CATSPERE: variants seen among roughly 807,000 people sequenced by gnomAD.
CATSPERE encodes catsper channel auxiliary subunit epsilon, also known as cation channel sperm-associated auxiliary subunit epsilon.
Under a neutral mutation model 114.1 loss-of-function variants are expected in CATSPERE, and 93 were observed. That is an observed-to-expected ratio of 0.81 (90% confidence interval 0.69 to 0.97). The LOEUF (loss-of-function observed/expected upper bound fraction) is 0.97. CATSPERE is among the 50% of genes least tolerant of loss of function. CATSPERE has a pLI of 0.00. For missense variants in CATSPERE, 1,058 were observed against 1,131.6 expected (o/e 0.93, Z 0.93); for synonymous variants, 341 against 384.1 (o/e 0.89, Z 1.31).
chr1:244,510,294 T>C (rs1054613093), intron 7 of CATSPERE, among the ~76,000 whole-genome samples: 1 of 152,224 alleles, frequency 6.6e-6, no homozygotes, highest in Non-Finnish European at 1.5e-5. Context: ...CGTCAAGGAA[T>C]TTTTTAATAT....
At chr1:244,493,605 C>G (rs548600936) in intron 6 of CATSPERE, among the ~76,000 whole-genome samples, 8 of 152,294 alleles carry the variant, frequency 5.3e-5, no homozygotes, top group African/African-American at 9.6e-5. Context: ...CAAATGGGAT[C>G]TAATTAAACT....
chr1:244,539,002 G>T (rs892303568), intron 8 of CATSPERE, among the ~76,000 whole-genome samples: 1 of 152,192 alleles, frequency 6.6e-6, no homozygotes, highest in East Asian at 1.9e-4. Context: ...GCTGCACGTC[G>T]CTAGCCAGCT....
intron 10 of CATSPERE, among the ~76,000 whole-genome samples, chr1:244,564,958 G>A (rs564973767): frequency 6.6e-6 from 1 of 152,264 alleles, no homozygotes; most frequent in Non-Finnish European, 1.5e-5. Context: ...TTAGCATGAA[G>A]GGGTGTTGAA....
At chr1:244,616,058 G>A (rs1032915620) in intron 19 of CATSPERE, among the ~76,000 whole-genome samples, 3 of 151,964 alleles carry the variant, frequency 2.0e-5, no homozygotes, top group Non-Finnish European at 4.4e-5. Context: ...CAGCCTGGGC[G>A]ATCGAAGCTT....
At chr1:244,516,078 C>A (rs1398032310) in intron 7 of CATSPERE, among the ~76,000 whole-genome samples, 2 of 151,502 alleles carry the variant, frequency 1.3e-5, no homozygotes, top group Non-Finnish European at 1.5e-5. Context: ...CTTGTCACAG[C>A]TATTCGGGAG....
intron 13 of CATSPERE, among the ~76,000 whole-genome samples, chr1:244,585,675 G>T (rs4399137): frequency 0.18 from 27,754 of 152,184 alleles, 3,634 homozygotes; most frequent in East Asian, 0.4. Flanking sequence ...CCTACAGACT[G>T]ACCCACTGGG....
chr1:244,518,674 C>A lies in CATSPERE; in HGVS notation c.512C>A (p.Ser171Tyr). The change falls in exon 8 of 22, where the codon TCT becomes TAT. Residue 171 changes from serine to tyrosine, a missense_variant. Physicochemically the swap from Ser to Tyr is moderately radical, Grantham distance 144. Coordinates refer to ENST00000366534, the MANE Select transcript of CATSPERE (RefSeq NM_001130957.2). Reference sequence around the variant, plus strand: ...ACAGTTCTGAAGAGAAAAGTTTATTCTTCAAATGAGAAAATGAGAAGGGGG... The same window carrying A: ...ACAGTTCTGAAGAGAAAAGTTTATTATTCAAATGAGAAAATGAGAAGGGGG... ...IHTVLKRKVY[S>Y]SNEKMRRGTW... is the part of the protein sequence containing the mutation. 6.4e-7 allele frequency: 1 copy of A among 1,555,828 alleles called. No individual in the cohort carries two copies. The highest frequency in any genetic ancestry group is 8.7e-7 in the Non-Finnish European group (1 of 1,148,138).
intron 9 of CATSPERE, among the ~76,000 whole-genome samples, chr1:244,559,038 C>T (rs2148524544): frequency 6.6e-6 from 1 of 152,330 alleles, no homozygotes; most frequent in Non-Finnish European, 1.5e-5. Flanking sequence ...AAGGATCTCT[C>T]ACCTCACCTG....
intron 5 of CATSPERE, among the ~76,000 whole-genome samples, chr1:244,486,685 A>G (rs3006019): frequency 0.28 from 22,510 of 79,210 alleles, 4,241 homozygotes; most frequent in East Asian, 0.67. Flanking sequence ...TGGGCCAGGT[A>G]TAGACCCTCG....
At chr1:244,490,827 AAT>A (rs1395542123) in intron 6 of CATSPERE, among the ~76,000 whole-genome samples, 12 of 152,184 alleles carry the variant, frequency 7.9e-5, no homozygotes, top group African/African-American at 1.7e-4. Flanking sequence ...TCTTTTGAAA[AAT>A]AGTTATTTTT....
chr1:244,452,793 T>C (rs1665730616), upstream of CATSPERE, among the ~76,000 whole-genome samples: 1 of 152,244 alleles, frequency 6.6e-6, no homozygotes, highest in South Asian at 2.1e-4. Context: ...AGAGCCCATG[T>C]CCTTCCTGTA....
intron 20 of CATSPERE, among the ~76,000 whole-genome samples, chr1:244,622,489 C>T (rs1017819560): frequency 6.6e-6 from 1 of 151,004 alleles, no homozygotes; most frequent in Non-Finnish European, 1.5e-5. Flanking sequence ...CTGCAACCTC[C>T]ACCTCCCGGG....
chr1:244,507,655 T>A (rs1041831903), intron 7 of CATSPERE, among the ~76,000 whole-genome samples: 1 of 152,202 alleles, frequency 6.6e-6, no homozygotes, highest in South Asian at 2.1e-4. Flanking sequence ...TGAGTTGATA[T>A]ATATATAGTG....
intron 14 of CATSPERE, among the ~76,000 whole-genome samples, chr1:244,591,400 C>G (rs1046785437): frequency 6.6e-6 from 1 of 152,118 alleles, no homozygotes; most frequent in African/African-American, 2.4e-5. Flanking sequence ...TTTGAGCAAC[C>G]TCTCCCCAAG....
Position 244,536,780 on chromosome 1 carries a change from T to A in CATSPERE, c.537-15542T>A, listed in dbSNP as rs138017974. On this transcript the variant is annotated intron_variant, in intron 8 of 21. Coordinates refer to ENST00000366534, the MANE Select transcript of CATSPERE (RefSeq NM_001130957.2). ...AGTTGCTTTTTTGGGTAGATAGTTG[T>A]TAAATTTCATGTTCCTATGGAGAAG... Among the ~76,000 whole-genome samples the A allele has an allele frequency of 3.4e-4, 52 of 152,340 alleles. 1 individual carries two copies. Among genetic ancestry groups the A allele is most frequent in the African/African-American group, 1.2e-3 (51 of 41,580 alleles).
At chr1:244,493,391 G>A (rs1404269563) in intron 6 of CATSPERE, among the ~76,000 whole-genome samples, 2 of 152,022 alleles carry the variant, frequency 1.3e-5, no homozygotes, top group African/African-American at 4.8e-5. Flanking sequence ...AAAACTGGTT[G>A]GCCATATGTA....
At chr1:244,516,605 T>G (rs9943262) in intron 7 of CATSPERE, among the ~76,000 whole-genome samples, 18,409 of 151,622 alleles carry the variant, frequency 0.12, 1,917 homozygotes, top group African/African-American at 0.28. Flanking sequence ...CACTGCAACC[T>G]CCACCTCCTG....
chr1:244,545,211 G>C (rs1173736039), intron 8 of CATSPERE, among the ~76,000 whole-genome samples: 1 of 152,210 alleles, frequency 6.6e-6, no homozygotes, highest in Non-Finnish European at 1.5e-5. Flanking sequence ...TTGCAGTCCA[G>C]TGGCATGAGA....
At chr1:244,519,203 G>A (rs1677126747) in intron 8 of CATSPERE, among the ~76,000 whole-genome samples, 3 of 152,162 alleles carry the variant, frequency 2.0e-5, no homozygotes. Context: ...TTCATTTAGT[G>A]CAAGAGACAA....
Sources: gnomAD v4.1 joint callset for allele counts (sites outside exome capture counted in the v4.1 genomes callset) on GRCh38, gnomAD v4.1.1 for gene constraint, MANE v1.5 for transcripts, NCBI Gene and HGNC (gene_info 2026-07-23, HGNC 2026-07-21) for gene names.